The following SPEF2 variants were observed in gnomAD, a reference collection of about 807,000 sequenced individuals.
The protein encoded by SPEF2 is sperm flagellar and cilia associated 2, also known as sperm flagella and cilia-associated protein 2.
In SPEF2, 187 loss-of-function variants were observed where a neutral mutation model predicts 224.6. That is an observed-to-expected ratio of 0.83 (90% CI 0.74 to 0.94). The LOEUF (loss-of-function observed/expected upper bound fraction) is 0.94, where lower values mean the gene tolerates loss of function less well. SPEF2 is among the 40% of genes least tolerant of loss of function. SPEF2 has a pLI of 0.00. For missense variants in SPEF2, 2,170 were observed against 2,135.6 expected, an observed-to-expected ratio of 1.02 and a Z score of -0.32; for synonymous variants, 715 against 707.3, an observed-to-expected ratio of 1.01 and a Z score of -0.17.
In SPEF2 at chr5:35,763,567, A is replaced by G; in HGVS notation, c.3666A>G (p.Thr1222=). The change falls in exon 26 of 37, where the codon ACA becomes ACG. Residue 1222 remains threonine, a synonymous_variant. Transcript: ENST00000356031. ...TATCCATTTCTCTGGAAACAGTTAC[A>G]CCCAAACCAAAAACAAAATCAGTAC... ...PRISISLETV[T]PKPKTKSVLK... The G allele has an allele frequency of 6.2e-7, 1 of 1,612,882 alleles. No homozygotes were observed. The highest frequency in any genetic ancestry group is 8.5e-7 in the Non-Finnish European group (1 of 1,179,626).
intron 21 of SPEF2, among the ~76,000 whole-genome samples, chr5:35,732,825 G>A (rs1392366578): frequency 2.0e-5 from 3 of 152,128 alleles, no homozygotes; most frequent in Non-Finnish European, 4.4e-5. Flanking sequence ...CCACAGTACA[G>A]TACAATGAGG....
At chr5:35,689,858 A>T (rs1307200941) in intron 10 of SPEF2, among the ~76,000 whole-genome samples, 1 of 152,098 alleles carries the variant, frequency 6.6e-6, no homozygotes, top group Non-Finnish European at 1.5e-5. Context: ...TTATGTTACA[A>T]CATTGATACT....
intron 18 of SPEF2, among the ~76,000 whole-genome samples, chr5:35,707,178 T>C (rs1337551166): frequency 1.3e-5 from 2 of 152,174 alleles, no homozygotes; most frequent in Non-Finnish European, 2.9e-5. Flanking sequence ...TAAAAGAATG[T>C]GGTACTTCTA....
intron 30 of SPEF2, chr5:35,788,140 T>C (rs894882075): frequency 5.7e-6 from 4 of 702,856 alleles, no homozygotes; most frequent in Non-Finnish European, 7.8e-6. Context: ...GCGAGGCTCA[T>C]GCCAAGGCCT....
chr5:35,761,541 C>A (rs985458126), intron 25 of SPEF2, among the ~76,000 whole-genome samples: 2 of 152,146 alleles, frequency 1.3e-5, no homozygotes, highest in Non-Finnish European at 2.9e-5. Context: ...TCTCTCCTGG[C>A]TTTTTCCATC....
intron 23 of SPEF2, among the ~76,000 whole-genome samples, chr5:35,751,078 T>TACGTATATATATACGTATATATACAC (rs1554048783): frequency 2.2e-4 from 5 of 22,644 alleles, no homozygotes; most frequent in Non-Finnish European, 3.0e-4. Context: ...TATATATATA[T>TACGTATATATATACGTATATATACAC]ACACACACAC....
At chr5:35,701,244 T>C (rs1738562839) in intron 16 of SPEF2, among the ~76,000 whole-genome samples, 1 of 152,236 alleles carries the variant, frequency 6.6e-6, no homozygotes, top group Admixed American at 6.5e-5. Flanking sequence ...TTAACTGTTT[T>C]TCAACCTTGA....
intron 2 of SPEF2, among the ~76,000 whole-genome samples, chr5:35,634,776 G>A (rs944572600): frequency 4.6e-5 from 7 of 151,844 alleles, no homozygotes; most frequent in Non-Finnish European, 8.8e-5. Context: ...ATATCTATTC[G>A]TACCTATTGC....
intron 8 of SPEF2, among the ~76,000 whole-genome samples, chr5:35,660,526 C>T (rs896994230): frequency 6.6e-6 from 1 of 152,174 alleles, no homozygotes; most frequent in African/African-American, 2.4e-5. Flanking sequence ...CTTTGTGGAA[C>T]AGGCATAGCC....
chr5:35,668,080 C>T (rs1305637742), intron 9 of SPEF2, among the ~76,000 whole-genome samples: 1 of 151,974 alleles, frequency 6.6e-6, no homozygotes, highest in Non-Finnish European at 1.5e-5. Flanking sequence ...ATGGTATAGC[C>T]CCTCTGGAAA....
intron 14 of SPEF2, among the ~76,000 whole-genome samples, 169 bp downstream of exon 14, chr5:35,695,965 T>C (rs1369025853): frequency 6.6e-6 from 1 of 152,234 alleles, no homozygotes; most frequent in Non-Finnish European, 1.5e-5. Context: ...GCATTCTTTG[T>C]ATTCTCAATA....
At chr5:35,625,622 A>T (rs536170289) in intron 1 of SPEF2, among the ~76,000 whole-genome samples, 3 of 152,226 alleles carry the variant, frequency 2.0e-5, no homozygotes, top group South Asian at 2.1e-4. Context: ...ACACAGATAC[A>T]TCCATAGATG....
intron 12 of SPEF2, among the ~76,000 whole-genome samples, 176 bp downstream of exon 12, chr5:35,692,900 A>G (rs990361537): frequency 6.6e-6 from 1 of 152,226 alleles, no homozygotes; most frequent in Admixed American, 6.5e-5. Context: ...TTTAGGACAA[A>G]TTTTAGGCCA....
chr5:35,765,734 A>G (rs1174850458), intron 26 of SPEF2, among the ~76,000 whole-genome samples: 1 of 152,096 alleles, frequency 6.6e-6, no homozygotes, highest in Non-Finnish European at 1.5e-5. Context: ...TTTCCATATT[A>G]ATTTTCAAAT....
At chr5:35,673,329 A>G (rs1751449661) in intron 10 of SPEF2, among the ~76,000 whole-genome samples, 1 of 152,154 alleles carries the variant, frequency 6.6e-6, no homozygotes, top group South Asian at 2.1e-4. Flanking sequence ...ACTCCCCCTA[A>G]TGCAAATCCT....
At chr5:35,670,605 A>G in intron 10 of SPEF2, 24 of 986,726 alleles carry the variant, frequency 2.4e-5, no homozygotes, top group Non-Finnish European at 2.9e-5. Context: ...TCTAAATAAT[A>G]GACTTTTTTT....
chr5:35,691,927 G>C (rs1754547265), intron 11 of SPEF2, among the ~76,000 whole-genome samples: 1 of 151,924 alleles, frequency 6.6e-6, no homozygotes, highest in Admixed American at 6.6e-5. Context: ...AGCCTCCTGA[G>C]TAGCTGGGAC....
At chr5:35,711,736 ATC>A (rs1477768980) in intron 19 of SPEF2, among the ~76,000 whole-genome samples, 1 of 128,232 alleles carries the variant, frequency 7.8e-6, no homozygotes, top group Non-Finnish European at 1.7e-5. Flanking sequence ...TTTCTGTGGA[ATC>A]TTGGTTATCA....
At chr5:35,644,651 G>A in intron 4 of SPEF2, 126 bp downstream of exon 4, 3 of 644,194 alleles carry the variant, frequency 4.7e-6, no homozygotes, top group Non-Finnish European at 7.3e-6. Flanking sequence ...GCATGACTTT[G>A]TCCTGCCCTA....
Sources: allele counts gnomAD v4.1 joint callset (sites outside exome capture counted in the v4.1 genomes callset), GRCh38; gene constraint gnomAD v4.1.1; transcripts MANE v1.5; gene names NCBI Gene and HGNC (gene_info 2026-07-23, HGNC 2026-07-21).